Variants in THSD7A observed in about 807,000 individuals in gnomAD.
THSD7A encodes the protein thrombospondin type-1 domain-containing protein 7A.
Under a neutral mutation model 231.3 loss-of-function variants are expected in THSD7A, and 96 were observed. That is an observed-to-expected ratio of 0.41 (90% CI 0.35 to 0.49). THSD7A has a LOEUF of 0.49. Among genes scored for constraint, THSD7A ranks in the 20% least tolerant of loss-of-function variants. THSD7A has a pLI of 0.05. For synonymous variants in THSD7A, 940 were observed against 743.3 expected, an observed-to-expected ratio of 1.26 and a Z score of -4.30; for missense variants, 2,290 against 2,070.2, an observed-to-expected ratio of 1.11 and a Z score of -2.06.
intron 1 of THSD7A, among the ~76,000 whole-genome samples, chr7:11,791,099 A>C (rs2128177984): frequency 6.6e-6 from 1 of 152,118 alleles, no homozygotes; most frequent in Non-Finnish European, 1.5e-5. Context: ...ATAAAGGAAA[A>C]CTACATTTAA....
At chr7:11,510,214 A>T (rs903896071) in intron 6 of THSD7A, among the ~76,000 whole-genome samples, 34 of 152,310 alleles carry the variant, frequency 2.2e-4, no homozygotes, top group African/African-American at 8.2e-4. Flanking sequence ...CCCTCCCAAG[A>T]CTAAACCAGG....
At chr7:11,534,720 A>C (rs1221290724) in intron 6 of THSD7A, among the ~76,000 whole-genome samples, 1 of 152,168 alleles carries the variant, frequency 6.6e-6, no homozygotes, top group African/African-American at 2.4e-5. Flanking sequence ...AATATTTTAC[A>C]GAGAAGGTGG....
chr7:11,432,404 C>T (rs866079007), intron 13 of THSD7A, among the ~76,000 whole-genome samples: 11 of 152,060 alleles, frequency 7.2e-5, no homozygotes, highest in African/African-American at 2.2e-4. Flanking sequence ...TTTCCATAGA[C>T]GTAAATTTCA....
At position 11,412,690 on chromosome 7, in the gene THSD7A, G is replaced by C. The variant is rs1484808288; in HGVS notation, c.3648C>G (p.Asn1216Lys). 1.2e-6 allele frequency: 2 copies of C among 1,613,782 alleles called. No homozygotes were observed. Among genetic ancestry groups the C allele is most frequent in the South Asian group, 2.2e-5 (2 of 91,060 alleles). Residue 1216 changes from asparagine to lysine, a missense_variant, in exon 18 of 28, where the codon AAC becomes AAG. Coordinates refer to ENST00000423059, the MANE Select transcript of THSD7A (RefSeq NM_015204.3). Reference protein sequence around the residue: ...NAVEKEPCNLNKNCYHYDYNV... With the variant: ...NAVEKEPCNLKKNCYHYDYNV... ...TATAATCATAGTGGTAGCAGTTTTT[G>C]TTCAGGTTACAGGGTTCTTTCTCAA...
intron 1 of THSD7A, among the ~76,000 whole-genome samples, chr7:11,745,530 C>T (rs960170717): frequency 4.6e-5 from 7 of 152,000 alleles, no homozygotes; most frequent in African/African-American, 1.7e-4. Flanking sequence ...ATGCCTATTT[C>T]CTGAATGGTA....
chr7:11,423,072 G>A (rs1784203740), intron 16 of THSD7A, among the ~76,000 whole-genome samples: 1 of 151,948 alleles, frequency 6.6e-6, no homozygotes, highest in Non-Finnish European at 1.5e-5. Context: ...CTTTTTCTGT[G>A]TCCCTATCTA....
chr7:11,617,698 A>ATGTT, intron 2 of THSD7A, among the ~76,000 whole-genome samples: 1 of 152,178 alleles, frequency 6.6e-6, no homozygotes, highest in East Asian at 1.9e-4. Context: ...TTAATATTAG[A>ATGTT]TGTTAATGTC....
rs1783815198 is a variant in THSD7A at position 11,680,208 on chromosome 7, G to A, written c.191-43247C>T. ...CTTATACAAAAATTAACTCAAGATG[G>A]ATTAAGGACTTCAACATAAGACTTA... On this transcript the variant is annotated intron_variant, in intron 1 of 27. Coordinates refer to ENST00000423059, the MANE Select transcript of THSD7A (RefSeq NM_015204.3). Among the ~76,000 whole-genome samples, 3 of 152,054 alleles carry A rather than the reference G, an allele frequency of 2.0e-5. No individual in the cohort carries two copies. The South Asian group carries it at 6.2e-4, about 32-fold the overall frequency.
At chr7:11,399,071 G>A (rs1331787970) in intron 23 of THSD7A, among the ~76,000 whole-genome samples, 1 of 152,106 alleles carries the variant, frequency 6.6e-6, no homozygotes, top group African/African-American at 2.4e-5. Flanking sequence ...GGGTTTTGTG[G>A]CTATCATAAC....
intron 6 of THSD7A, among the ~76,000 whole-genome samples, chr7:11,536,734 A>C (rs1788931471): frequency 6.6e-6 from 1 of 152,076 alleles, no homozygotes; most frequent in African/African-American, 2.4e-5. Context: ...ATGCATCTTC[A>C]TCCTTGACCT....
chr7:11,773,520 G>A (rs1006230765), intron 1 of THSD7A, among the ~76,000 whole-genome samples: 29 of 152,116 alleles, frequency 1.9e-4, no homozygotes, highest in African/African-American at 6.3e-4. Context: ...CAATAAGAGC[G>A]AGACTCCATC....
At chr7:11,603,260 A>T (rs1217942190) in intron 2 of THSD7A, among the ~76,000 whole-genome samples, 1 of 151,674 alleles carries the variant, frequency 6.6e-6, no homozygotes, top group Non-Finnish European at 1.5e-5. Flanking sequence ...TTATGCAGCC[A>T]AAAAACACAT....
intron 5 of THSD7A, 114 bp downstream of exon 5, chr7:11,542,848 T>G (rs538181457): frequency 2.3e-5 from 27 of 1,183,070 alleles, no homozygotes; most frequent in Middle Eastern, 4.1e-4. Flanking sequence ...TTAATAGTCT[T>G]TAGCCATTCT....
chr7:11,413,113 T>C (rs552433076), intron 17 of THSD7A, among the ~76,000 whole-genome samples: 9 of 151,480 alleles, frequency 5.9e-5, no homozygotes, highest in African/African-American at 2.2e-4. Context: ...TATATGTGTA[T>C]TATTATATAT....
chr7:11,481,531 C>T (rs766408755), intron 7 of THSD7A, among the ~76,000 whole-genome samples: 1 of 152,126 alleles, frequency 6.6e-6, no homozygotes, highest in Non-Finnish European at 1.5e-5. Context: ...ACAAAGAACT[C>T]TAATGACTGG....
chr7:11,700,393 C>T (rs2883585), intron 1 of THSD7A, among the ~76,000 whole-genome samples: 56,671 of 150,854 alleles, frequency 0.38, 10,868 homozygotes, highest in Non-Finnish European at 0.4. Flanking sequence ...TTGACATTTA[C>T]GTAATTCTAT....
intron 6 of THSD7A, among the ~76,000 whole-genome samples, chr7:11,520,363 A>G (rs1174628576): frequency 6.6e-6 from 1 of 152,206 alleles, no homozygotes; most frequent in African/African-American, 2.4e-5. Context: ...AACATAGCAT[A>G]ACAAGCCTGA....
chr7:11,762,517 G>A (rs116792157), intron 1 of THSD7A, among the ~76,000 whole-genome samples: 134 of 152,224 alleles, frequency 8.8e-4, no homozygotes, highest in African/African-American at 3.0e-3. Flanking sequence ...TTTGCTGGCC[G>A]CTCAGGTGTC....
intron 13 of THSD7A, among the ~76,000 whole-genome samples, chr7:11,436,145 A>G (rs1463121179): frequency 6.6e-6 from 1 of 152,070 alleles, no homozygotes; most frequent in Non-Finnish European, 1.5e-5. Context: ...TGAAAATCAG[A>G]TGCAGAGTTT....
Sources: allele counts gnomAD v4.1 joint callset (sites outside exome capture counted in the v4.1 genomes callset), GRCh38; gene constraint gnomAD v4.1.1; transcripts MANE v1.5; gene names NCBI Gene and HGNC (gene_info 2026-07-23, HGNC 2026-07-21).